Variants in FAM167A observed in about 807,000 individuals in gnomAD.
FAM167A encodes family with sequence similarity 167 member A, also known as protein FAM167A.
A neutral mutation model predicts 14.9 loss-of-function variants in FAM167A; 23 were observed. That is an observed-to-expected ratio of 1.55 (90% CI 1.11 to 2.19). The LOEUF is 2.19. FAM167A is among the 30% of genes most tolerant of loss of function. The probability of loss-of-function intolerance (pLI) is 0.00; values close to 1 mark genes in which losing one functional copy is unlikely to be tolerated. For missense variants in FAM167A, 401 were observed against 281.5 expected (o/e 1.42, Z -3.04); for synonymous variants, 174 against 117.7 (o/e 1.48, Z -3.10).
intron 2 of FAM167A, among the ~76,000 whole-genome samples, chr8:11,425,905 C>A (rs559421386): frequency 6.6e-6 from 1 of 152,288 alleles, no homozygotes; most frequent in East Asian, 1.9e-4. Flanking sequence ...GAGATACTTA[C>A]ATCTGTAGAG....
chr8:11,424,016 G>C lies in FAM167A; in HGVS notation c.*357C>G, dbSNP rs1301219119. On this transcript the variant is annotated 3_prime_UTR_variant, in exon 3 of 3. Transcript: ENST00000284486. ...CTGCAAAAATGACAGCTTTGTTGGG[G>C]GGCCTCCCTTTGGGAATCCCAGTTC... 1 of 240,968 alleles carries C rather than the reference G, an allele frequency of 4.1e-6. No homozygotes were observed. The highest frequency in any genetic ancestry group is 9.0e-5 in the East Asian group (1 of 11,136). The allele number at this position is 240,968 out of a possible 1,614,324, so 14.9% of individuals were successfully genotyped here.
chr8:11,432,759 C>G (rs984867537), intron 2 of FAM167A, among the ~76,000 whole-genome samples: 3 of 152,214 alleles, frequency 2.0e-5, no homozygotes, highest in Non-Finnish European at 4.4e-5. Flanking sequence ...AAGACACATG[C>G]ACACGTATGT....
intron 1 of FAM167A, among the ~76,000 whole-genome samples, chr8:11,463,956 G>A (rs1397515281): frequency 6.6e-6 from 1 of 152,208 alleles, no homozygotes; most frequent in Non-Finnish European, 1.5e-5. Flanking sequence ...AAGGCCACGT[G>A]GCAGGGCCCT....
intron 1 of FAM167A, chr8:11,445,680 T>A (rs1806744277): frequency 1.1e-6 from 1 of 924,746 alleles, no homozygotes; most frequent in Non-Finnish European, 1.3e-6. Flanking sequence ...GGTAGAAATC[T>A]AACTCCCAGT....
At chr8:11,448,180 C>T (rs963808574) in intron 1 of FAM167A, among the ~76,000 whole-genome samples, 2 of 138,750 alleles carry the variant, frequency 1.4e-5, no homozygotes, top group African/African-American at 2.7e-5. Flanking sequence ...GGCGACAGGG[C>T]GAGACTCTGT....
At chr8:11,441,721 C>G (rs1490098379) in intron 2 of FAM167A, among the ~76,000 whole-genome samples, 1 of 152,186 alleles carries the variant, frequency 6.6e-6, no homozygotes, top group Admixed American at 6.5e-5. Flanking sequence ...TCAATTTATC[C>G]ATCCATGAAA....
intron 1 of FAM167A, among the ~76,000 whole-genome samples, chr8:11,455,581 A>T (rs1807215685): frequency 9.9e-6 from 1 of 101,340 alleles, no homozygotes; most frequent in South Asian, 3.6e-4. Flanking sequence ...TTTGAGTTTG[A>T]GTGTGGGATG....
At chr8:11,459,931 T>C (rs1001299345) in intron 1 of FAM167A, among the ~76,000 whole-genome samples, 1 of 152,220 alleles carries the variant, frequency 6.6e-6, no homozygotes, top group Non-Finnish European at 1.5e-5. Flanking sequence ...TTTCACCATA[T>C]TGGCCAGGCT....
chr8:11,454,426 C>T lies in FAM167A; in HGVS notation c.-397-9618G>A, dbSNP rs572530041. Among the ~76,000 whole-genome samples, 12 of 152,306 alleles carry T rather than the reference C, an allele frequency of 7.9e-5. No homozygotes were observed. The South Asian group carries it at 1.2e-3, about 16-fold the overall frequency. ...TCCACTCTACCTTGCCCTGATGTTG[C>T]GGTTTCAGCCAGGCCAGGCCCATCA... On this transcript the variant is annotated intron_variant, in intron 1 of 2. Transcript: ENST00000284486.
chr8:11,433,743 T>C (rs568401728), intron 2 of FAM167A, among the ~76,000 whole-genome samples: 128 of 152,276 alleles, frequency 8.4e-4, no homozygotes, highest in African/African-American at 3.0e-3. Context: ...CTACAATTAG[T>C]CTCTGATGCA....
chr8:11,445,819 T>TG (rs1359362666), intron 1 of FAM167A, among the ~76,000 whole-genome samples: 1 of 132,748 alleles, frequency 7.5e-6, no homozygotes, highest in Non-Finnish European at 1.6e-5. Flanking sequence ...AAGGGTGTGT[T>TG]TTAAAAAAAA....
In FAM167A at chr8:11,423,138, G is replaced by C. The variant is rs541902452; in HGVS notation, c.*1235C>G. On this transcript the variant is annotated 3_prime_UTR_variant, in exon 3 of 3. Coordinates refer to ENST00000284486, the MANE Select transcript of FAM167A (RefSeq NM_053279.3). The stretch of plus-strand genomic sequence containing the variant: ...TGCTCCTTTACTAATGAGAGGACTC[G>C]ACTAGATGACACCAAAGGTCAGAAA... 1 of 152,274 alleles carries C rather than the reference G, an allele frequency of 6.6e-6. No homozygotes were observed. Among genetic ancestry groups the C allele is most frequent in the East Asian group, 1.9e-4 (1 of 5,194 alleles). 9.4% of individuals were successfully genotyped at this position (152,274 alleles called of 1,614,324 possible).
At chr8:11,442,175 C>T (rs1806479925) in intron 2 of FAM167A, among the ~76,000 whole-genome samples, 1 of 152,228 alleles carries the variant, frequency 6.6e-6, no homozygotes, top group Non-Finnish European at 1.5e-5. Flanking sequence ...GGCCACCTTC[C>T]TCGCTTGGCC....
At chr8:11,472,085 T>C (rs969678619), upstream of FAM167A, among the ~76,000 whole-genome samples, 1 of 152,258 alleles carries the variant, frequency 6.6e-6, no homozygotes, top group East Asian at 1.9e-4. Flanking sequence ...TTTATAACTT[T>C]CAAATATTTA....
rs1248790691 is a variant in FAM167A, at chr8:11,449,841, G to A, written c.-397-5033C>T. ...CAACCATGAGCTAACTCCTCTGGCT[G>A]CTGGAGGAGCCAGGTGGGGGCAGCT... On this transcript the variant is annotated intron_variant, in intron 1 of 2. Transcript: ENST00000284486. Among the ~76,000 whole-genome samples, 3 of 152,308 alleles carry A rather than the reference G, an allele frequency of 2.0e-5. No homozygotes were observed. In the East Asian group the frequency reaches 5.8e-4, roughly 29 times the overall value.
rs1340890831 is a variant in FAM167A at position 11,444,785 on chromosome 8, G to A, written c.-374C>T. On this transcript the variant is annotated 5_prime_UTR_variant, in exon 2 of 3. Transcript: ENST00000284486. ...AGAAGGCCCAGAGCTCTCTCTTCTC[G>A]GGAAGGGCAGGTGGCTGGAGACCCT... 5 of 1,010,472 alleles carry A rather than the reference G, an allele frequency of 4.9e-6. No individual in the cohort carries two copies. The highest frequency in any genetic ancestry group is 3.4e-5 in the African/African-American group (2 of 58,058). 62.6% of individuals were successfully genotyped at this position (1,010,472 alleles called of 1,614,324 possible). A position where few individuals can be genotyped will look rare whatever the true frequency, so the allele number is the denominator to read the frequency against.
intron 1 of FAM167A, among the ~76,000 whole-genome samples, chr8:11,449,251 A>G (rs1343426697): frequency 6.6e-6 from 1 of 152,204 alleles, no homozygotes; most frequent in Non-Finnish European, 1.5e-5. Context: ...TAGGCACAGG[A>G]GCTCAGCTGG....
At chr8:11,446,044 G>C (rs942705755) in intron 1 of FAM167A, among the ~76,000 whole-genome samples, 5 of 151,370 alleles carry the variant, frequency 3.3e-5, no homozygotes, top group Non-Finnish European at 7.4e-5. Context: ...AAAAGGAAGG[G>C]AATAGCCATA....
rs1017183450 is a variant in FAM167A at position 11,423,380 on chromosome 8, C to T, written c.*993G>A. On this transcript the variant is annotated 3_prime_UTR_variant, in exon 3 of 3. Transcript: ENST00000284486. ...AAATCAGTTACTAACAAGTGAACAA[C>T]ACATCAGTAACAGTCTTATTAAAAC... 6.6e-6 allele frequency: 1 copy of T among 152,618 alleles called. No homozygotes were observed. Among genetic ancestry groups the T allele is most frequent in the South Asian group, 2.1e-4 (1 of 4,836 alleles). The allele number at this position is 152,618 out of a possible 1,614,324, so 9.5% of individuals were successfully genotyped here.
Sources: allele counts gnomAD v4.1 joint callset (sites outside exome capture counted in the v4.1 genomes callset), GRCh38; gene constraint gnomAD v4.1.1; transcripts MANE v1.5; gene names NCBI Gene and HGNC (gene_info 2026-07-23, HGNC 2026-07-21).